NKAIN2: variants seen among roughly 807,000 people sequenced by gnomAD.
NKAIN2 encodes sodium/potassium transporting ATPase interacting 2, also known as sodium/potassium-transporting ATPase subunit beta-1-interacting protein 2.
Under a neutral mutation model 32.6 loss-of-function variants are expected in NKAIN2, and 14 were observed. The ratio of observed to expected loss-of-function variants is 0.43; its 90% CI spans 0.28 to 0.67. NKAIN2 has a LOEUF of 0.67. Among genes scored for constraint, NKAIN2 ranks in the 30% least tolerant of loss-of-function variants. NKAIN2 has a pLI of 0.17. For missense variants in NKAIN2, 198 were observed against 258.3 expected (o/e 0.77, Z 1.60); for synonymous variants, 80 against 87.2 (o/e 0.92, Z 0.46).
chr6:124,812,391 T>C (rs1045056183), intron 5 of NKAIN2, among the ~76,000 whole-genome samples: 2 of 152,188 alleles, frequency 1.3e-5, no homozygotes, highest in Admixed American at 1.3e-4. Context: ...TAAATACCTA[T>C]TGAGTGTCTT....
intron 4 of NKAIN2, among the ~76,000 whole-genome samples, chr6:124,702,949 C>T (rs941961485): frequency 2.0e-5 from 3 of 152,020 alleles, no homozygotes; most frequent in Admixed American, 1.3e-4. Context: ...CACATGATAA[C>T]ATTTTTATTT....
chr6:124,359,736 C>G (rs1799178589), intron 3 of NKAIN2, among the ~76,000 whole-genome samples: 1 of 152,114 alleles, frequency 6.6e-6, no homozygotes, highest in Admixed American at 6.6e-5. Flanking sequence ...AATTTGACTT[C>G]CTCTTTTCCT....
chr6:124,614,394 G>T (rs545495507), intron 3 of NKAIN2, among the ~76,000 whole-genome samples: 1 of 151,930 alleles, frequency 6.6e-6, no homozygotes, highest in Non-Finnish European at 1.5e-5. Flanking sequence ...ACTCTGTCTC[G>T]AAAAAAATTA....
chr6:123,993,964 T>C (rs918968940), intron 1 of NKAIN2, among the ~76,000 whole-genome samples: 3 of 152,226 alleles, frequency 2.0e-5, no homozygotes. Flanking sequence ...AGCATTGTAA[T>C]GGCTTCTGAA....
At chr6:124,610,833 A>C (rs1782660990) in intron 3 of NKAIN2, among the ~76,000 whole-genome samples, 1 of 152,178 alleles carries the variant, frequency 6.6e-6, no homozygotes, top group African/African-American at 2.4e-5. Context: ...GTATTTTATG[A>C]CTTTTTTTTA....
At chr6:124,179,210 A>G (rs1789313761) in intron 1 of NKAIN2, among the ~76,000 whole-genome samples, 1 of 152,244 alleles carries the variant, frequency 6.6e-6, no homozygotes, top group Non-Finnish European at 1.5e-5. Context: ...CTCTATGTTC[A>G]TCTCAGTGAA....
chr6:124,686,667 T>G (rs1047942478), intron 4 of NKAIN2, among the ~76,000 whole-genome samples: 6 of 152,188 alleles, frequency 3.9e-5, no homozygotes, highest in African/African-American at 1.4e-4. Flanking sequence ...CATAATCTTA[T>G]GCAGGTAATC....
chr6:124,286,665 T>C (rs1490814952), intron 2 of NKAIN2, among the ~76,000 whole-genome samples: 2 of 123,966 alleles, frequency 1.6e-5, no homozygotes, highest in African/African-American at 9.3e-5. Flanking sequence ...TGTGTGTGTG[T>C]GTGTGTGTGC....
At chr6:124,586,435 T>G (rs1191071150) in intron 3 of NKAIN2, among the ~76,000 whole-genome samples, 2 of 152,072 alleles carry the variant, frequency 1.3e-5, no homozygotes, top group African/African-American at 4.8e-5. Flanking sequence ...CACTGGGGCC[T>G]ACTTGAGGGC....
chr6:124,767,169 C>T (rs1326966426), intron 4 of NKAIN2, among the ~76,000 whole-genome samples: 2 of 152,092 alleles, frequency 1.3e-5, no homozygotes, highest in Non-Finnish European at 2.9e-5. Flanking sequence ...GCTGGGATTA[C>T]AGGCATGAGC....
At chr6:123,916,651 T>C (rs1775510124) in intron 1 of NKAIN2, among the ~76,000 whole-genome samples, 1 of 152,024 alleles carries the variant, frequency 6.6e-6, no homozygotes. Flanking sequence ...GGTGGGAGAT[T>C]TGAAAGCAGA....
At chr6:124,734,822 A>T (rs562468769) in intron 4 of NKAIN2, among the ~76,000 whole-genome samples, 1 of 152,020 alleles carries the variant, frequency 6.6e-6, no homozygotes, top group East Asian at 1.9e-4. Context: ...ACAGCTTATG[A>T]TCCTGTTCCT....
intron 1 of NKAIN2, among the ~76,000 whole-genome samples, chr6:124,059,765 C>T (rs1453778358): frequency 1.3e-5 from 2 of 152,240 alleles, no homozygotes; most frequent in South Asian, 2.1e-4. Context: ...TAGTCTTGAT[C>T]TCTGCTCTAA....
Position 124,175,757 on chromosome 6 carries a change from C to G in NKAIN2, c.55-107248C>G, listed in dbSNP as rs147952997. Among the ~76,000 whole-genome samples, 650 of 152,224 alleles carry G rather than the reference C, an allele frequency of 4.3e-3. 1 individual carries two copies. Among genetic ancestry groups the G allele is most frequent in the Non-Finnish European group, 6.6e-3 (449 of 67,994 alleles). ...AATTCAGATTTTTTTTAAATGTAGC[C>G]TCACTGGGTTTTCAACATTATTTTC... On this transcript the variant is annotated intron_variant, in intron 1 of 6. Coordinates refer to ENST00000368417, the MANE Select transcript of NKAIN2 (RefSeq NM_001040214.3).
At chr6:123,829,051 A>C (rs906281171) in intron 1 of NKAIN2, 1 of 152,198 alleles carries the variant, frequency 6.6e-6, no homozygotes, top group African/African-American at 2.4e-5. Flanking sequence ...CTGTCATTGA[A>C]TAGATAATGA....
chr6:124,592,105 C>A (rs942240488), intron 3 of NKAIN2, among the ~76,000 whole-genome samples: 1 of 152,114 alleles, frequency 6.6e-6, no homozygotes, highest in Admixed American at 6.5e-5. Flanking sequence ...TTTATACTTA[C>A]TCAACTATGT....
intron 1 of NKAIN2, among the ~76,000 whole-genome samples, chr6:124,230,096 T>C (rs867589999): frequency 1.3e-5 from 2 of 152,038 alleles, no homozygotes; most frequent in Non-Finnish European, 2.9e-5. Flanking sequence ...GATGGTATGG[T>C]CAATGAAATA....
intron 2 of NKAIN2, among the ~76,000 whole-genome samples, chr6:124,311,903 A>G (rs1461047517): frequency 2.0e-5 from 3 of 152,156 alleles, no homozygotes; most frequent in African/African-American, 7.2e-5. Context: ...AGCAACACAG[A>G]TAAAGCAAAA....
chr6:124,339,205 G>A (rs544378406), intron 2 of NKAIN2, among the ~76,000 whole-genome samples: 6 of 152,254 alleles, frequency 3.9e-5, no homozygotes, highest in African/African-American at 1.4e-4. Context: ...GCCGGGCGTG[G>A]TGGCGCGCAC....
Sources: gnomAD v4.1 joint callset for allele counts (sites outside exome capture counted in the v4.1 genomes callset) on GRCh38, gnomAD v4.1.1 for gene constraint, MANE v1.5 for transcripts, NCBI Gene and HGNC (gene_info 2026-07-23, HGNC 2026-07-21) for gene names.